Variants in MAN2A2 observed in about 807,000 individuals in gnomAD.
MAN2A2 encodes the protein mannosidase alpha class 2A member 2.
A neutral mutation model predicts 126.8 loss-of-function variants in MAN2A2; 79 were observed. The observed-to-expected ratio is 0.62, with a 90% CI of 0.52 to 0.75. MAN2A2 has a LOEUF of 0.75. Among genes scored for constraint, MAN2A2 ranks in the 30% least tolerant of loss-of-function variants. The probability of loss-of-function intolerance (pLI) is 0.00; values close to 1 mark genes in which losing one functional copy is unlikely to be tolerated. For synonymous variants in MAN2A2, 671 were observed against 618.7 expected (o/e 1.08, Z -1.25); for missense variants, 1,392 against 1,522.4 (o/e 0.91, Z 1.43).
In MAN2A2 at chr15:90,913,282, G is replaced by A. The variant is rs1404348691; in HGVS notation, c.2594G>A (p.Gly865Glu). The change falls in exon 18 of 23, where the codon GGG becomes GAG. Residue 865 changes from glycine (G) to glutamate (E), a missense_variant. Coordinates refer to ENST00000559717, the MANE Select transcript of MAN2A2 (RefSeq NM_006122.4). ...VRLYNLPGVE[G>E]LSLDISSLVD... The stretch of plus-strand genomic sequence containing the variant: ...TTGTTCCTGTACCCAGGGGTGGAGG[G>A]GCTGTCTCTGGACATATCATCCCTG... 6.2e-7 allele frequency: 1 copy of A among 1,613,984 alleles called. No individual in the cohort carries two copies. The highest frequency in any genetic ancestry group is 1.1e-5 in the South Asian group (1 of 91,074).
rs1226265995 is a variant in MAN2A2 at position 90,909,452 on chromosome 15, A to G, written c.1322A>G (p.Asn441Ser). The stretch of plus-strand genomic sequence containing the variant: ...CAGGAGTGGGATGCCCAGTTCTTCA[A>G]CTACCAACGGCTCTTTGACTTCTTC... ...KPQEWDAQFF[N>S]YQRLFDFFNS... The change falls in exon 9 of 23, where the codon AAC becomes AGC. Residue 441 changes from asparagine (N) to serine (S), a missense_variant. Physicochemically the swap from Asn to Ser is conservative, Grantham distance 46. Transcript: ENST00000559717. 1.2e-6 allele frequency: 2 copies of G among 1,614,140 alleles called. No individual in the cohort carries two copies.
At chr15:90,913,244 C>T (rs2034903594) in intron 17 of MAN2A2, 29 bp from the exon 18 acceptor site, 2 of 1,611,206 alleles carry the variant, frequency 1.2e-6, no homozygotes, top group Admixed American at 1.7e-5. Context: ...TCACACCTGT[C>T]CATGCCCCCA....
intron 20 of MAN2A2, 143 bp downstream of exon 20, chr15:90,916,399 G>A: frequency 1.6e-6 from 2 of 1,214,048 alleles, no homozygotes; most frequent in Non-Finnish European, 2.3e-6. Context: ...GTGGGGGGAG[G>A]CAGTCTGGCG....
intron 19 of MAN2A2, among the ~76,000 whole-genome samples, chr15:90,914,386 A>G (rs529711939): frequency 2.1e-4 from 32 of 152,310 alleles, no homozygotes; most frequent in African/African-American, 7.7e-4. Flanking sequence ...GAGGTGTGCA[A>G]CCCTCTTCTG....
At chr15:90,911,632 C>G in intron 14 of MAN2A2, 82 bp downstream of exon 14, 1 of 1,439,506 alleles carries the variant, frequency 6.9e-7, no homozygotes, top group Non-Finnish European at 9.3e-7. Flanking sequence ...GCCTCCCACC[C>G]TCCTGCTTGT....
chr15:90,906,952 G>C (rs1222580793), intron 7 of MAN2A2, 39 bp downstream of exon 7: 27 of 1,605,364 alleles, frequency 1.7e-5, no homozygotes, highest in Non-Finnish European at 2.3e-5. Flanking sequence ...CTGCAGCATA[G>C]TCTTCACTGG....
chr15:90,911,466 C>A lies in MAN2A2; in HGVS notation c.2025C>A (p.Val675=). ...TGGTCAACTCTCCCCGCGTGCGTGT[C>A]CTTTCGGAGGAGGGTCAGCCCCTGG... ...SLLVNSPRVR[V]LSEEGQPLAV... is the part of the protein sequence containing the mutation. The change falls in exon 14 of 23, where the codon GTC becomes GTA. Residue 675 remains valine, a synonymous_variant. Transcript: ENST00000559717. 6.2e-7 allele frequency: 1 copy of A among 1,614,228 alleles called. No individual in the cohort carries two copies. The highest frequency in any genetic ancestry group is 8.5e-7 in the Non-Finnish European group (1 of 1,180,046).
chr15:90,910,386 C>T (rs2034629506), intron 10 of MAN2A2, 94 bp downstream of exon 10: 5 of 1,570,492 alleles, frequency 3.2e-6, no homozygotes, highest in Non-Finnish European at 4.4e-6. Flanking sequence ...AATAGATAGG[C>T]CCAGAGGCCA....
At position 90,922,482 on chromosome 15, in the gene MAN2A2, G is replaced by A. The variant is rs2035583638; in HGVS notation, c.*2695G>A. On this transcript the variant is annotated 3_prime_UTR_variant, in exon 23 of 23. Transcript: ENST00000559717. Reference sequence around the variant, plus strand: ...AAGGATGCTAAGCAGTTCCACTGTGGCAGGTGTCATTTGCTAGTAGAATTT... The same window carrying A: ...AAGGATGCTAAGCAGTTCCACTGTGACAGGTGTCATTTGCTAGTAGAATTT... 6.6e-6 allele frequency: 1 copy of A among 152,204 alleles called. No individual in the cohort carries two copies. The highest frequency in any genetic ancestry group is 2.4e-5 in the African/African-American group (1 of 41,456). 9.4% of individuals were successfully genotyped at this position (152,204 alleles called of 1,614,324 possible).
intron 8 of MAN2A2, among the ~76,000 whole-genome samples, 180 bp from the exon 9 acceptor site, chr15:90,909,147 G>T (rs1384484026): frequency 6.6e-6 from 1 of 152,174 alleles, no homozygotes; most frequent in Non-Finnish European, 1.5e-5. Flanking sequence ...TGTCAGAACT[G>T]CCCAGAGAGC....
chr15:90,913,657 A>G lies in MAN2A2; in HGVS notation c.2762A>G (p.Asn921Ser). ...CTGAAGAAGCTCCCCCTCCAGGCCA[A>G]CTTCTACCCCATGCCAGTCATGGCC... ...RYLKKLPLQA[N>S]FYPMPVMAYI... is the part of the protein sequence containing the mutation. Residue 921 changes from asparagine to serine, a missense_variant, in exon 19 of 23, where the codon AAC (asparagine) becomes AGC (serine). Asn to Ser is a conservative substitution (Grantham distance 46). Coordinates refer to ENST00000559717, the MANE Select transcript of MAN2A2 (RefSeq NM_006122.4). 6.2e-7 allele frequency: 1 copy of G among 1,612,472 alleles called. No individual in the cohort carries two copies. The highest frequency in any genetic ancestry group is 8.5e-7 in the Non-Finnish European group (1 of 1,179,464).
intron 9 of MAN2A2, 146 bp downstream of exon 9, chr15:90,909,650 C>A: frequency 1.2e-6 from 1 of 801,334 alleles, no homozygotes. Context: ...GTTGCCCAGG[C>A]TGGAGTTCAG....
At position 90,919,885 on chromosome 15, in the gene MAN2A2, C is replaced by T. The variant is rs1428370684; in HGVS notation, c.*98C>T. The T allele has an allele frequency of 1.3e-5, 18 of 1,399,586 alleles. No individual in the cohort carries two copies. The highest frequency in any genetic ancestry group is 1.7e-5 in the Non-Finnish European group (17 of 1,012,918). The allele number at this position is 1,399,586 out of a possible 1,614,324, so 86.7% of individuals were successfully genotyped here. ...ACACGGGTATCCCATCCCGATCTGCCTCCCAGAACTGTGACACACTGGGCT... is the reference window on the plus strand; with the variant it reads ...ACACGGGTATCCCATCCCGATCTGCTTCCCAGAACTGTGACACACTGGGCT... On this transcript the variant is annotated 3_prime_UTR_variant, in exon 23 of 23. Transcript: ENST00000559717.
intron 1 of MAN2A2, chr15:90,903,890 T>C: frequency 2.4e-6 from 1 of 419,778 alleles, no homozygotes. Context: ...GCACCTCCTA[T>C]CTAGGCAGGG....
chr15:90,917,906 A>ACATGGCTG, intron 20 of MAN2A2: 1 of 365,064 alleles, frequency 2.7e-6, no homozygotes, highest in Non-Finnish European at 5.1e-6. Flanking sequence ...GTGAGGGGAG[A>ACATGGCTG]CATGGCTGAT....
In MAN2A2 at chr15:90,917,964, G is replaced by A. The variant is rs548855540; in HGVS notation, c.2995-230G>A. The A allele has an allele frequency of 2.8e-5, 15 of 545,450 alleles. No homozygotes were observed. The East Asian group carries it at 4.2e-4, about 15-fold the overall frequency. The allele number at this position is 545,450 out of a possible 1,614,324, so 33.8% of individuals were successfully genotyped here. ...TGTTATGTGAGCAAGGAACTAAAAA[G>A]TAGAGAAGAAACAGCTTAGTGAAGT... On this transcript the variant is annotated intron_variant, in intron 20 of 22. Coordinates refer to ENST00000559717, the MANE Select transcript of MAN2A2 (RefSeq NM_006122.4).
At position 90,916,103 on chromosome 15, in the gene MAN2A2, C is replaced by G; in HGVS notation, c.2861-20C>G. ...GCTTGGGGGTGGGGGCGGGCCAGCA[C>G]TCACTGTTTGCTTCCCCAGGCCAGC... On this transcript the variant is annotated intron_variant, in intron 19 of 22. Coordinates refer to ENST00000559717, the MANE Select transcript of MAN2A2 (RefSeq NM_006122.4). 1.2e-6 allele frequency: 2 copies of G among 1,613,080 alleles called. No homozygotes were observed. Among genetic ancestry groups the G allele is most frequent in the Non-Finnish European group, 1.7e-6 (2 of 1,179,528 alleles).
At chr15:90,912,705 G>A (rs773116334) in intron 16 of MAN2A2, 41 bp downstream of exon 16, 1 of 1,612,644 alleles carries the variant, frequency 6.2e-7, no homozygotes, top group Admixed American at 1.7e-5. Flanking sequence ...AGGGAGGGCA[G>A]GAGGGGGCAC....
At chr15:90,912,390 A>T in intron 15 of MAN2A2, 111 bp downstream of exon 15, 1 of 1,554,726 alleles carries the variant, frequency 6.4e-7, no homozygotes, top group South Asian at 1.1e-5. Flanking sequence ...CACCTGACCC[A>T]CAGTGGACCG....
Sources: allele counts gnomAD v4.1 joint callset (sites outside exome capture counted in the v4.1 genomes callset), GRCh38; gene constraint gnomAD v4.1.1; transcripts MANE v1.5; gene names NCBI Gene and HGNC (gene_info 2026-07-23, HGNC 2026-07-21).